The following ANKMY2 variants were observed in gnomAD, a reference collection of about 807,000 sequenced individuals.
ANKMY2 encodes ankyrin repeat and MYND domain-containing protein 2.
In ANKMY2, 36 loss-of-function variants were observed where a neutral mutation model predicts 50.4. The observed-to-expected ratio is 0.71, with a 90% CI of 0.55 to 0.94. ANKMY2 has a LOEUF of 0.94. Ranked by LOEUF, ANKMY2 falls within the 40% of genes least tolerant of loss-of-function variation. The probability of loss-of-function intolerance (pLI) is 0.00; values close to 1 mark genes in which losing one functional copy is unlikely to be tolerated. For missense variants in ANKMY2, 565 were observed against 524.0 expected, an observed-to-expected ratio of 1.08 and a Z score of -0.76; for synonymous variants, 187 against 178.8, an observed-to-expected ratio of 1.05 and a Z score of -0.36.
intron 5 of ANKMY2, among the ~76,000 whole-genome samples, chr7:16,614,519 G>A (rs1308822893): frequency 2.6e-5 from 4 of 152,230 alleles, no homozygotes; most frequent in Non-Finnish European, 5.9e-5. Context: ...AACACACAAT[G>A]AGTAAATTTG....
chr7:16,629,323 G>A (rs1781546674), intron 2 of ANKMY2, among the ~76,000 whole-genome samples: 1 of 152,156 alleles, frequency 6.6e-6, no homozygotes, highest in Non-Finnish European at 1.5e-5. Flanking sequence ...ATCACTTGAG[G>A]TCAGGAGTTC....
chr7:16,640,533 T>C (rs1410168351), intron 1 of ANKMY2, among the ~76,000 whole-genome samples: 1 of 152,144 alleles, frequency 6.6e-6, no homozygotes, highest in East Asian at 1.9e-4. Context: ...TGTTTTAATT[T>C]TTTATAGATA....
rs1781040999 is a variant in ANKMY2 at position 16,600,773 on chromosome 7, C to T, written c.1314G>A (p.Val438=). 6.2e-7 allele frequency: 1 copy of T among 1,608,638 alleles called. No homozygotes were observed. The highest frequency in any genetic ancestry group is 8.5e-7 in the Non-Finnish European group (1 of 1,177,534). Residue 438 remains valine (V), a synonymous_variant, in exon 10 of 10, where the codon GTG becomes GTA. Transcript: ENST00000306999. ...GLQDAPAGPQ[V]SEE ...CTTGCTCTGGCTTTTACTCCTCAGA[C>T]ACCTGTGGCCCTGCAGGAGCATCCT...
intron 2 of ANKMY2, among the ~76,000 whole-genome samples, chr7:16,636,101 G>A (rs1045875601): frequency 1.3e-5 from 2 of 151,910 alleles, no homozygotes; most frequent in East Asian, 1.9e-4. Context: ...GTCAGGGTTC[G>A]AGCTCAGCCA....
At chr7:16,619,615 A>C (rs1311123419) in intron 4 of ANKMY2, among the ~76,000 whole-genome samples, 12 of 152,168 alleles carry the variant, frequency 7.9e-5, no homozygotes, top group Admixed American at 7.9e-4. Context: ...TAAATACTTA[A>C]TCATTTAGGT....
chr7:16,606,213 T>G (rs1781158896), intron 7 of ANKMY2, among the ~76,000 whole-genome samples: 1 of 151,914 alleles, frequency 6.6e-6, no homozygotes, highest in African/African-American at 2.4e-5. Context: ...GGCAGATCAT[T>G]TGAGGTTAGG....
chr7:16,627,321 A>C (rs1781520415), intron 2 of ANKMY2, 143 bp from the exon 3 acceptor site: 2 of 525,698 alleles, frequency 3.8e-6, no homozygotes, highest in Non-Finnish European at 6.2e-6. Flanking sequence ...ATTTGCTTCC[A>C]CACTTTGATC....
At chr7:16,621,512 C>T (rs7797003) in intron 4 of ANKMY2, among the ~76,000 whole-genome samples, 26,864 of 152,012 alleles carry the variant, frequency 0.18, 2,661 homozygotes, top group Middle Eastern at 0.26. Flanking sequence ...AGCTATATAT[C>T]TGGGGGGAAA....
intron 1 of ANKMY2, among the ~76,000 whole-genome samples, chr7:16,640,910 A>G (rs1209557883): frequency 1.3e-5 from 2 of 152,208 alleles, no homozygotes; most frequent in Non-Finnish European, 2.9e-5. Flanking sequence ...TTAGAAATCT[A>G]TTTGGCTTTG....
At chr7:16,617,620 A>T (rs575121628) in intron 4 of ANKMY2, among the ~76,000 whole-genome samples, 2 of 152,314 alleles carry the variant, frequency 1.3e-5, no homozygotes, top group South Asian at 4.1e-4. Context: ...AAAAATTAAC[A>T]GGCAAACTGA....
chr7:16,634,070 C>T (rs898471286), intron 2 of ANKMY2, among the ~76,000 whole-genome samples: 1 of 152,086 alleles, frequency 6.6e-6, no homozygotes, highest in Non-Finnish European at 1.5e-5. Flanking sequence ...AACCCCTTTC[C>T]CTTCTGCATG....
rs909630795 is a variant in ANKMY2 at position 16,641,784 on chromosome 7, GC to G, written c.67+3722del. Among the ~76,000 whole-genome samples, 5 of 151,998 alleles carry G rather than the reference GC, an allele frequency of 3.3e-5. No individual in the cohort carries two copies. The South Asian group carries it at 8.3e-4, about 25-fold the overall frequency. On this transcript the variant is annotated intron_variant, in intron 1 of 9. Coordinates refer to ENST00000306999, the MANE Select transcript of ANKMY2 (RefSeq NM_020319.3). ...TCATAATGTTGAATGAAAGAAGCCAGCCCCCCCTCAAAAAAAGGATACTTAT... is the reference window on the plus strand; with the variant it reads ...TCATAATGTTGAATGAAAGAAGCCAGCCCCCCTCAAAAAAAGGATACTTAT...
At chr7:16,616,574 C>A (rs547105562) in intron 4 of ANKMY2, among the ~76,000 whole-genome samples, 1 of 149,010 alleles carries the variant, frequency 6.7e-6, no homozygotes, top group African/African-American at 2.6e-5. Context: ...CCTGCGGCGC[C>A]CCCCCCTCCC....
At chr7:16,643,556 G>T (rs1406517355) in intron 1 of ANKMY2, among the ~76,000 whole-genome samples, 1 of 152,066 alleles carries the variant, frequency 6.6e-6, no homozygotes, top group Non-Finnish European at 1.5e-5. Context: ...GATGCACCGT[G>T]TGAGCCCAGA....
In ANKMY2 at chr7:16,600,911, A is replaced by G. The variant is rs746698447; in HGVS notation, c.1176T>C (p.Asn392=). The G allele has an allele frequency of 3.1e-6, 5 of 1,608,066 alleles. No individual in the cohort carries two copies. The highest frequency in any genetic ancestry group is 4.2e-6 in the Non-Finnish European group (5 of 1,177,872). The stretch of plus-strand genomic sequence containing the variant: ...CTACTTCAGCCTCTGGTTGCTCTTC[A>G]TTAACACAGTTAGAATTGACATCAA... ...GKLDVNSNCV[N]EEQPEAEVGI... The change falls in exon 10 of 10, where the codon AAT becomes AAC. Residue 392 remains asparagine (N), a synonymous_variant. Transcript: ENST00000306999.
intron 7 of ANKMY2, among the ~76,000 whole-genome samples, chr7:16,607,484 C>T (rs902808117): frequency 3.9e-5 from 6 of 152,022 alleles, no homozygotes; most frequent in African/African-American, 1.4e-4. Flanking sequence ...ATGAGAATCG[C>T]TTGAACCCGG....
At chr7:16,630,381 C>T (rs373487299) in intron 2 of ANKMY2, among the ~76,000 whole-genome samples, 5 of 152,280 alleles carry the variant, frequency 3.3e-5, no homozygotes, top group African/African-American at 4.8e-5. Context: ...AAAATCCTCA[C>T]GTCCTTGTCA....
intron 4 of ANKMY2, among the ~76,000 whole-genome samples, chr7:16,616,250 T>C (rs944947087): frequency 5.9e-5 from 9 of 152,204 alleles, no homozygotes; most frequent in African/African-American, 2.2e-4. Context: ...CCTACGCAAA[T>C]GATGCTCATG....
intron 4 of ANKMY2, 21 bp downstream of exon 4, chr7:16,624,962 A>C: frequency 6.2e-7 from 1 of 1,609,056 alleles, no homozygotes; most frequent in Non-Finnish European, 8.5e-7. Flanking sequence ...AATCTAATGC[A>C]AAACTGCAGC....
Sources: allele counts gnomAD v4.1 joint callset (sites outside exome capture counted in the v4.1 genomes callset), GRCh38; gene constraint gnomAD v4.1.1; transcripts MANE v1.5; gene names NCBI Gene and HGNC (gene_info 2026-07-23, HGNC 2026-07-21).